The following DOK7 variants were observed in gnomAD, a reference collection of about 807,000 sequenced individuals.
DOK7 encodes docking protein 7, also known as protein Dok-7.
DOK7 carries 32 observed loss-of-function variants against 30.7 expected under a neutral mutation model. The ratio of observed to expected loss-of-function variants is 1.04; its 90% CI spans 0.79 to 1.40. The LOEUF (loss-of-function observed/expected upper bound fraction) is 1.40. DOK7 is among the 40% of genes most tolerant of loss of function. DOK7 has a pLI of 0.00. For missense variants in DOK7, 1,007 were observed against 699.2 expected (o/e 1.44, Z -4.97); for synonymous variants, 447 against 324.1 (o/e 1.38, Z -4.07).
chr4:3,468,287 T>A (rs540998340), intron 2 of DOK7, among the ~76,000 whole-genome samples: 9 of 151,994 alleles, frequency 5.9e-5, no homozygotes, highest in Admixed American at 5.9e-4. Context: ...TGTGGGAGTG[T>A]GTGTGCACGT....
chr4:3,490,949 T>C (rs1359461325), intron 6 of DOK7, among the ~76,000 whole-genome samples: 1 of 146,088 alleles, frequency 6.8e-6, no homozygotes, highest in Non-Finnish European at 1.5e-5. Flanking sequence ...GCTCATTCAT[T>C]CCTTCTCCCC....
At chr4:3,477,913 C>T (rs1273180427) in intron 4 of DOK7, among the ~76,000 whole-genome samples, 1 of 152,156 alleles carries the variant, frequency 6.6e-6, no homozygotes, top group Admixed American at 6.5e-5. Context: ...CTGCGGCAGG[C>T]CAGAGGTTCA....
intron 4 of DOK7, among the ~76,000 whole-genome samples, chr4:3,484,312 C>T (rs1347139914): frequency 6.6e-6 from 1 of 152,206 alleles, no homozygotes; most frequent in Non-Finnish European, 1.5e-5. Flanking sequence ...GCCTGAGTTC[C>T]GTGTCCCTGG....
intron 6 of DOK7, among the ~76,000 whole-genome samples, chr4:3,491,284 T>C (rs547025522): frequency 3.7e-4 from 36 of 98,032 alleles, no homozygotes; most frequent in African/African-American, 1.5e-3. Flanking sequence ...CATTCCTTCC[T>C]CCGCCCCCCC....
intron 6 of DOK7, among the ~76,000 whole-genome samples, chr4:3,490,498 T>C (rs113216643): frequency 0.048 from 5,342 of 110,752 alleles, 539 homozygotes; most frequent in African/African-American, 0.18. Context: ...TCCTTCCTTT[T>C]CCCCCTGCTC....
intron 4 of DOK7, among the ~76,000 whole-genome samples, chr4:3,483,841 C>T (rs1381737995): frequency 3.9e-5 from 6 of 152,188 alleles, no homozygotes; most frequent in Admixed American, 3.3e-4. Flanking sequence ...GACAGCATGA[C>T]GGCCTTCTCC....
intron 4 of DOK7, among the ~76,000 whole-genome samples, chr4:3,484,375 G>A (rs946975248): frequency 6.6e-6 from 1 of 152,210 alleles, no homozygotes; most frequent in Non-Finnish European, 1.5e-5. Context: ...AGCAGGCAGC[G>A]GGGGTTCTAA....
In DOK7 at chr4:3,493,533, G is replaced by C. The variant is rs1728690937; in HGVS notation, c.*32G>C. On this transcript the variant is annotated 3_prime_UTR_variant, in exon 7 of 7. Transcript: ENST00000340083. ...CAGATCCCGCCCCGCGGCTGCAAAG[G>C]GGCTGAATTTGCCCCCAGATGGCAG... The C allele has an allele frequency of 1.2e-6, 2 of 1,604,582 alleles. No individual in the cohort carries two copies. Among genetic ancestry groups the C allele is most frequent in the Non-Finnish European group, 1.7e-6 (2 of 1,176,052 alleles).
chr4:3,496,019 G>A (rs976862660), downstream of DOK7, among the ~76,000 whole-genome samples: 4 of 152,190 alleles, frequency 2.6e-5, no homozygotes, highest in African/African-American at 4.8e-5. Context: ...CACCCACGAG[G>A]CCCCTCAGAA....
chr4:3,468,757 C>CGT (rs373619107), intron 2 of DOK7, among the ~76,000 whole-genome samples: 21 of 76,696 alleles, frequency 2.7e-4, no homozygotes, highest in African/African-American at 9.8e-4. Context: ...TGTCTGTGTG[C>CGT]GTGTGTGTGT....
rs1728650830 is a variant in DOK7 at position 3,493,253 on chromosome 4, C to T, written c.1267C>T (p.Gln423Ter). 4 of 1,611,890 alleles carry T rather than the reference C, an allele frequency of 2.5e-6. No individual in the cohort carries two copies. The highest frequency in any genetic ancestry group is 2.5e-6 in the Non-Finnish European group (3 of 1,179,624). The change falls in exon 7 of 7, where the codon CAG becomes TAG. Residue 423 changes from glutamine to a stop codon, truncating the protein, a stop_gained. Transcript: ENST00000340083. LOFTEE classifies it low-confidence loss of function (END_TRUNC). ...LAPRDHSPPS[Q>*]GSPGNSAARD... ...TCCTAGAGACCACAGCCCCCCCTCA[C>T]AGGGCAGCCCCGGCAACAGTGCGGC...
At chr4:3,498,039 G>GC (rs1244968572), downstream of DOK7, among the ~76,000 whole-genome samples, 1 of 152,192 alleles carries the variant, frequency 6.6e-6, no homozygotes, top group African/African-American at 2.4e-5. Context: ...TTCCACAGAG[G>GC]CCGGGGGCTC....
At chr4:3,473,281 C>T (rs907941666) in intron 2 of DOK7, 125 bp from the exon 3 acceptor site, 8 of 875,900 alleles carry the variant, frequency 9.1e-6, no homozygotes, top group African/African-American at 3.3e-5. Context: ...CTTGGCATGG[C>T]TGAGTGGCTG....
chr4:3,490,351 CCACA>C (rs1728201066), intron 6 of DOK7, among the ~76,000 whole-genome samples: 1 of 121,436 alleles, frequency 8.2e-6, no homozygotes, highest in Non-Finnish European at 1.8e-5. Context: ...TTCCTTTTCC[CCACA>C]CTCATTCATT....
chr4:3,490,077 T>TCTTCACCCCCTCATTCATTC (rs1728120448), intron 6 of DOK7, among the ~76,000 whole-genome samples: 1 of 121,014 alleles, frequency 8.3e-6, no homozygotes, highest in Non-Finnish European at 1.8e-5. Flanking sequence ...CCCATTCCTT[T>TCTTCACCCCCTCATTCATTC]CTTCACCCCC....
intron 6 of DOK7, among the ~76,000 whole-genome samples, chr4:3,490,103 T>A (rs1376065609): frequency 1.8e-5 from 1 of 56,734 alleles, no homozygotes; most frequent in Non-Finnish European, 3.6e-5. Flanking sequence ...CATTCCTTTC[T>A]TCACCCCCAT....
downstream of DOK7, chr4:3,497,011 G>C (rs1728948260): frequency 3.3e-6 from 3 of 908,994 alleles, no homozygotes; most frequent in Non-Finnish European, 4.9e-6. Flanking sequence ...TGTGGTGAAA[G>C]TGGTTGTTGG....
At chr4:3,467,696 G>C (rs923843072) in intron 2 of DOK7, among the ~76,000 whole-genome samples, 4 of 152,158 alleles carry the variant, frequency 2.6e-5, no homozygotes, top group Non-Finnish European at 5.9e-5. Context: ...GGCTGTCTTA[G>C]CTCAGGCGGC....
intron 6 of DOK7, among the ~76,000 whole-genome samples, chr4:3,490,249 T>TCCCTGCTCATTCATTCCTTCCTTCCCCC (rs1728178162): frequency 1.1e-5 from 1 of 90,368 alleles, no homozygotes; most frequent in African/African-American, 4.0e-5. Context: ...CTTCCTTTTC[T>TCCCTGCTCATTCATTCCTTCCTTCCCCC]CCCTGCTCAT....
Sources: allele counts gnomAD v4.1 joint callset (sites outside exome capture counted in the v4.1 genomes callset), GRCh38; gene constraint gnomAD v4.1.1; transcripts MANE v1.5; gene names NCBI Gene and HGNC (gene_info 2026-07-23, HGNC 2026-07-21).